The following CHRNA7 variants were observed in gnomAD, a reference collection of about 807,000 sequenced individuals.
CHRNA7 encodes neuronal acetylcholine receptor subunit alpha-7.
A neutral mutation model predicts 48.0 loss-of-function variants in CHRNA7; 17 were observed. The ratio of observed to expected loss-of-function variants is 0.35; its 90% CI spans 0.24 to 0.53. The LOEUF (loss-of-function observed/expected upper bound fraction) is 0.53. CHRNA7 is among the 20% of genes least tolerant of loss of function. The pLI, the probability that CHRNA7 is intolerant of heterozygous loss-of-function variation, is 0.92. For synonymous variants in CHRNA7, 75 were observed against 242.3 expected (o/e 0.31, Z 6.41); for missense variants, 155 against 577.7 (o/e 0.27, Z 7.50).
In CHRNA7 at chr15:32,149,197, C is replaced by T. The variant is rs1566875755; in HGVS notation, c.351-4710C>T. On this transcript the variant is annotated intron_variant, in intron 4 of 9. Coordinates refer to ENST00000306901, the MANE Select transcript of CHRNA7 (RefSeq NM_000746.6). This position sits in a 1 kb window ranked among gnomAD's most constrained non-coding sequence, Gnocchi z 4.6. ...TAGTCAAAATAAAGAATATATTTGG[C>T]CATTTTCAGACTATTTAATACAGAA... is the stretch of plus-strand genomic sequence containing the variant. 6.6e-6 allele frequency among the ~76,000 whole-genome samples: 1 copy of T among 152,208 alleles called. No homozygotes were observed. The highest frequency in any genetic ancestry group is 1.5e-5 in the Non-Finnish European group (1 of 68,048).
At chr15:32,117,868 C>T (rs2050900638) in intron 4 of CHRNA7, among the ~76,000 whole-genome samples, 1 of 152,138 alleles carries the variant, frequency 6.6e-6, no homozygotes, top group Admixed American at 6.5e-5. Context: ...ATAATGCAGT[C>T]ATGGCCAGGC....
At chr15:32,037,547 C>G (rs1902151271) in intron 2 of CHRNA7, among the ~76,000 whole-genome samples, 2 of 151,938 alleles carry the variant, frequency 1.3e-5, no homozygotes, top group Admixed American at 1.3e-4. Flanking sequence ...TATTCATGAA[C>G]ATAGAACAGC....
intron 4 of CHRNA7, among the ~76,000 whole-genome samples, chr15:32,127,995 A>G (rs1428272304): frequency 6.6e-6 from 1 of 152,038 alleles, no homozygotes; most frequent in Non-Finnish European, 1.5e-5. Context: ...TTGGTATGAT[A>G]TCTGAGATTT....
chr15:32,139,425 T>C (rs2141334699), intron 4 of CHRNA7, among the ~76,000 whole-genome samples: 1 of 152,342 alleles, frequency 6.6e-6, no homozygotes, highest in South Asian at 2.1e-4. Context: ...CTTCGTTTTG[T>C]AGGAAACTGC....
intron 2 of CHRNA7, among the ~76,000 whole-genome samples, chr15:32,096,999 G>C (rs2050481108): frequency 7.1e-6 from 1 of 141,022 alleles, no homozygotes; most frequent in South Asian, 2.2e-4. Context: ...GATCTTGCAG[G>C]AGAGCCGTGT....
rs1262724836 is a variant in CHRNA7, at chr15:32,149,605, T to A, written c.351-4302T>A. 6.6e-6 allele frequency among the ~76,000 whole-genome samples: 1 copy of A among 152,194 alleles called. No individual in the cohort carries two copies. The highest frequency in any genetic ancestry group is 2.1e-4 in the South Asian group (1 of 4,834). On this transcript the variant is annotated intron_variant, in intron 4 of 9. Coordinates refer to ENST00000306901, the MANE Select transcript of CHRNA7 (RefSeq NM_000746.6). The surrounding 1 kb of genome is among the most constrained non-coding windows in gnomAD (Gnocchi z 4.6). ...TATACTATGTACTTATAAAATCAATTTGCCTATGGGAAAGAAGCGTAAAAC... is the reference window on the plus strand; with the variant it reads ...TATACTATGTACTTATAAAATCAATATGCCTATGGGAAAGAAGCGTAAAAC...
intron 4 of CHRNA7, among the ~76,000 whole-genome samples, chr15:32,113,520 T>C (rs1466359593): frequency 6.6e-6 from 1 of 152,190 alleles, no homozygotes; most frequent in Non-Finnish European, 1.5e-5. Flanking sequence ...TAATTTTAGC[T>C]GTAATATTTA....
At chr15:32,131,218 T>C (rs1192536337) in intron 4 of CHRNA7, among the ~76,000 whole-genome samples, 3 of 152,182 alleles carry the variant, frequency 2.0e-5, no homozygotes. Context: ...TAGATGTATA[T>C]CTTTTGCTAA....
At chr15:32,083,605 AT>A (rs2050250176) in intron 2 of CHRNA7, among the ~76,000 whole-genome samples, 2 of 152,188 alleles carry the variant, frequency 1.3e-5, no homozygotes, top group African/African-American at 4.8e-5. Context: ...TGGGACAGAA[AT>A]TCAACTGTTA....
At chr15:32,102,649 A>C (rs2050593620) in intron 3 of CHRNA7, 1 of 152,206 alleles carries the variant, frequency 6.6e-6, no homozygotes, top group Non-Finnish European at 1.5e-5. Flanking sequence ...GGCAATTTAT[A>C]TCTCTGCCCA....
intron 2 of CHRNA7, among the ~76,000 whole-genome samples, chr15:32,090,220 A>C (rs2050361714): frequency 6.6e-6 from 1 of 152,172 alleles, no homozygotes; most frequent in African/African-American, 2.4e-5. Flanking sequence ...TAATTTCCCT[A>C]GCAGGGATAA....
intron 2 of CHRNA7, among the ~76,000 whole-genome samples, chr15:32,063,457 G>T (rs900160416): frequency 2.0e-5 from 3 of 152,106 alleles, no homozygotes; most frequent in African/African-American, 7.2e-5. Flanking sequence ...ACAAAGTCTA[G>T]GAAGTCCTAA....
At chr15:32,114,872 C>T (rs898636003) in intron 4 of CHRNA7, among the ~76,000 whole-genome samples, 6 of 152,300 alleles carry the variant, frequency 3.9e-5, no homozygotes, top group Admixed American at 6.5e-5. Flanking sequence ...TCCACTGGGC[C>T]GATGTGCTGA....
At chr15:32,150,084 C>T (rs929568244) in intron 4 of CHRNA7, among the ~76,000 whole-genome samples, 3 of 152,106 alleles carry the variant, frequency 2.0e-5, no homozygotes, top group Admixed American at 6.5e-5. Flanking sequence ...CAGGGTCTCG[C>T]TCTGTCTCCT....
chr15:32,064,312 T>C (rs913165988), intron 2 of CHRNA7, among the ~76,000 whole-genome samples: 1 of 152,230 alleles, frequency 6.6e-6, no homozygotes, highest in South Asian at 2.1e-4. Context: ...TTCTTCCTGC[T>C]CCTTGATCCT....
intron 4 of CHRNA7, among the ~76,000 whole-genome samples, chr15:32,129,319 A>G (rs2051118168): frequency 6.6e-6 from 1 of 152,096 alleles, no homozygotes; most frequent in East Asian, 1.9e-4. Flanking sequence ...GGAGACAGTT[A>G]TAGAATTGAT....
chr15:32,150,419 G>A (rs541839075), intron 4 of CHRNA7, among the ~76,000 whole-genome samples: 12 of 152,270 alleles, frequency 7.9e-5, no homozygotes, highest in South Asian at 4.1e-4. Flanking sequence ...CGCATCCCAC[G>A]TCTGGTGCGG....
chr15:32,123,894 C>T (rs1256877069), intron 4 of CHRNA7, among the ~76,000 whole-genome samples: 1 of 150,880 alleles, frequency 6.6e-6, no homozygotes, highest in Non-Finnish European at 1.5e-5. Flanking sequence ...AATTCCTAAG[C>T]TCCCCCCCGC....
chr15:32,051,656 C>T (rs2049683838), intron 2 of CHRNA7, among the ~76,000 whole-genome samples: 1 of 152,196 alleles, frequency 6.6e-6, no homozygotes, highest in African/African-American at 2.4e-5. Context: ...GCTGCACCGA[C>T]TGTGCTGCGC....
Sources: gnomAD v4.1 joint callset for allele counts (sites outside exome capture counted in the v4.1 genomes callset) on GRCh38, gnomAD v4.1.1 for gene constraint, Gnocchi (gnomAD v3.1) non-coding constraint, MANE v1.5 for transcripts, NCBI Gene and HGNC (gene_info 2026-07-23, HGNC 2026-07-21) for gene names.